TBC1D2: variants seen among roughly 807,000 people sequenced by gnomAD.
TBC1D2 encodes TBC1 domain family member 2A.
In TBC1D2, 58 loss-of-function variants were observed where a neutral mutation model predicts 91.1. That is an observed-to-expected ratio of 0.64 (90% CI 0.52 to 0.79). The LOEUF (loss-of-function observed/expected upper bound fraction) is 0.79. TBC1D2 is among the 30% of genes least tolerant of loss of function. TBC1D2 has a pLI of 0.00. For synonymous variants in TBC1D2, 482 were observed against 511.5 expected, an observed-to-expected ratio of 0.94 and a Z score of 0.78; for missense variants, 1,080 against 1,208.3, an observed-to-expected ratio of 0.89 and a Z score of 1.57.
At chr9:98,232,526 C>T (rs1257366549) in intron 4 of TBC1D2, among the ~76,000 whole-genome samples, 1 of 151,970 alleles carries the variant, frequency 6.6e-6, no homozygotes, top group Admixed American at 6.6e-5. Context: ...CTGTGTTGCC[C>T]AGGCTTGTCT....
At chr9:98,224,280 C>CTT (rs1170210699) in intron 5 of TBC1D2, among the ~76,000 whole-genome samples, 57 of 107,418 alleles carry the variant, frequency 5.3e-4, no homozygotes, top group Non-Finnish European at 7.7e-4. Context: ...TTTTTCTTTT[C>CTT]TTTTTTTTTT....
At chr9:98,235,281 A>G in intron 3 of TBC1D2, 1 of 375,382 alleles carries the variant, frequency 2.7e-6, no homozygotes, top group Non-Finnish European at 5.3e-6. Context: ...TTAGGAGTCA[A>G]CGCTATTGTT....
At position 98,207,436 on chromosome 9, in the gene TBC1D2, G is replaced by A. The variant is rs180799409; in HGVS notation, c.2150+1232C>T. On this transcript the variant is annotated intron_variant, in intron 9 of 12. Transcript: ENST00000465784. Reference sequence around the variant, plus strand: ...GAAATAGCTGGGGCTGGAGCGGGGGGATGACAGTCCCTCACAGTCTTGGAG... The same window carrying A: ...GAAATAGCTGGGGCTGGAGCGGGGGAATGACAGTCCCTCACAGTCTTGGAG... Among the ~76,000 whole-genome samples the A allele has an allele frequency of 1.9e-4, 29 of 152,360 alleles. No individual in the cohort carries two copies. In the East Asian group the frequency reaches 5.6e-3, roughly 29 times the overall value.
intron 5 of TBC1D2, among the ~76,000 whole-genome samples, chr9:98,223,478 C>T (rs1396233236): frequency 3.3e-5 from 5 of 152,232 alleles, no homozygotes; most frequent in Non-Finnish European, 5.9e-5. Flanking sequence ...GAGAGATTAA[C>T]ATTCCTGTGG....
At chr9:98,225,070 T>C (rs765372826) in intron 5 of TBC1D2, among the ~76,000 whole-genome samples, 2 of 152,082 alleles carry the variant, frequency 1.3e-5, no homozygotes, top group African/African-American at 2.4e-5. Context: ...CCCCACTGAG[T>C]TTCCTAAAAA....
At chr9:98,234,532 G>A (rs886768646) in intron 3 of TBC1D2, among the ~76,000 whole-genome samples, 3 of 152,192 alleles carry the variant, frequency 2.0e-5, no homozygotes, top group Non-Finnish European at 4.4e-5. Context: ...GTCATGACCA[G>A]CATTTAAAAA....
intron 3 of TBC1D2, among the ~76,000 whole-genome samples, chr9:98,243,071 C>T (rs1009957021): frequency 3.3e-5 from 5 of 151,750 alleles, no homozygotes; most frequent in East Asian, 1.9e-4. Flanking sequence ...TGAACCACGA[C>T]GCCTGGTCCA....
chr9:98,200,455 G>A, intron 11 of TBC1D2, 81 bp from the exon 12 acceptor site: 13 of 1,437,768 alleles, frequency 9.0e-6, no homozygotes, highest in South Asian at 1.2e-5. Flanking sequence ...TGACAGACTT[G>A]GGCAGTATGG....
chr9:98,249,205 C>T (rs891222114), intron 2 of TBC1D2, among the ~76,000 whole-genome samples: 1 of 152,118 alleles, frequency 6.6e-6, no homozygotes, highest in African/African-American at 2.4e-5. Context: ...TGCTGCAAGG[C>T]GAGGAAAGGT....
chr9:98,243,076 G>C (rs1829685450), intron 3 of TBC1D2, among the ~76,000 whole-genome samples: 1 of 151,448 alleles, frequency 6.6e-6, no homozygotes, highest in Non-Finnish European at 1.5e-5. Flanking sequence ...CACGACGCCT[G>C]GTCCATACTG....
intron 6 of TBC1D2, among the ~76,000 whole-genome samples, chr9:98,218,968 G>A (rs1829033038): frequency 6.6e-6 from 1 of 152,238 alleles, no homozygotes; most frequent in Non-Finnish European, 1.5e-5. Context: ...CAATCAGATG[G>A]AAGCAGTTTT....
rs151022071 is a variant in TBC1D2, at chr9:98,232,887, G to A, written c.781+529C>T. Among the ~76,000 whole-genome samples the A allele has an allele frequency of 1.4e-3, 218 of 152,198 alleles. 1 individual carries two copies. Among genetic ancestry groups the A allele is most frequent in the African/African-American group, 4.4e-3 (181 of 41,538 alleles). ...GGCTGGAGTGCTGTGGTGCAATCTC[G>A]ACTCACTACAACCTCTGCCTCCCAG... On this transcript the variant is annotated intron_variant, in intron 4 of 12. Transcript: ENST00000465784.
intron 8 of TBC1D2, among the ~76,000 whole-genome samples, chr9:98,209,497 G>A (rs1358560165): frequency 4.6e-5 from 7 of 152,158 alleles, no homozygotes; most frequent in Admixed American, 4.6e-4. Context: ...AAGGAGTCCT[G>A]CACTGTGCAT....
At chr9:98,240,166 G>GT (rs1554681913) in intron 3 of TBC1D2, among the ~76,000 whole-genome samples, 2 of 137,856 alleles carry the variant, frequency 1.5e-5, no homozygotes, top group Non-Finnish European at 3.4e-5. Flanking sequence ...GTGTTTGTGT[G>GT]GTGTGTGTGT....
chr9:98,237,479 T>C (rs1439191391), intron 3 of TBC1D2, among the ~76,000 whole-genome samples: 2 of 152,074 alleles, frequency 1.3e-5, no homozygotes, highest in African/African-American at 2.4e-5. Context: ...GTAGTGTTGA[T>C]ATTGGGAAGA....
intron 2 of TBC1D2, among the ~76,000 whole-genome samples, chr9:98,248,881 T>C (rs905986996): frequency 1.3e-5 from 2 of 152,302 alleles, no homozygotes; most frequent in African/African-American, 4.8e-5. Context: ...GACCGTTGTT[T>C]AGGTAAAGCA....
chr9:98,237,652 G>A (rs1021361833), intron 3 of TBC1D2, among the ~76,000 whole-genome samples: 8 of 149,350 alleles, frequency 5.4e-5, no homozygotes, highest in African/African-American at 7.4e-5. Context: ...GATTACAGGC[G>A]TGCACCACCA....
chr9:98,216,786 T>C (rs1828981052), intron 6 of TBC1D2, among the ~76,000 whole-genome samples: 1 of 152,198 alleles, frequency 6.6e-6, no homozygotes, highest in Admixed American at 6.5e-5. Flanking sequence ...CTCACTGCAC[T>C]CTTGACCTCC....
intron 9 of TBC1D2, among the ~76,000 whole-genome samples, chr9:98,204,654 T>G (rs2118998797): frequency 6.6e-6 from 1 of 152,322 alleles, no homozygotes; most frequent in Admixed American, 6.5e-5. Context: ...GAAATATCCC[T>G]TCTCTTTCCC....
Sources: gnomAD v4.1 joint callset for allele counts (sites outside exome capture counted in the v4.1 genomes callset) on GRCh38, gnomAD v4.1.1 for gene constraint, MANE v1.5 for transcripts, NCBI Gene and HGNC (gene_info 2026-07-23, HGNC 2026-07-21) for gene names.